The following MRM1 variants were observed in gnomAD, a reference collection of about 807,000 sequenced individuals.
MRM1 encodes the protein rRNA methyltransferase 1, mitochondrial.
MRM1 carries 24 observed loss-of-function variants against 25.0 expected under a neutral mutation model. That is an observed-to-expected ratio of 0.96 (90% CI 0.69 to 1.35). The LOEUF (loss-of-function observed/expected upper bound fraction) is 1.35, where lower values mean the gene tolerates loss of function less well. Among genes scored for constraint, MRM1 ranks in the 40% most tolerant of loss-of-function variants. The pLI is 0.00. For synonymous variants in MRM1, 188 were observed against 199.2 expected, an observed-to-expected ratio of 0.94 and a Z score of 0.47; for missense variants, 431 against 464.1, an observed-to-expected ratio of 0.93 and a Z score of 0.65.
At chr17:36,631,428 C>T in the MRM1 span, among the ~76,000 whole-genome samples, 1 of 152,252 alleles carries the variant, frequency 6.6e-6, no homozygotes, top group Non-Finnish European at 1.5e-5. Flanking sequence ...GAGACCCCAG[C>T]ATTTGTGCTC....
At chr17:36,633,388 G>A in the MRM1 span, among the ~76,000 whole-genome samples, 1 of 152,202 alleles carries the variant, frequency 6.6e-6, no homozygotes, top group South Asian at 2.1e-4. Flanking sequence ...GTCCGTGAGG[G>A]AAGAGGATTC....
At chr17:36,627,212 C>T in the MRM1 span, among the ~76,000 whole-genome samples, 2 of 152,150 alleles carry the variant, frequency 1.3e-5, no homozygotes, top group Non-Finnish European at 2.9e-5. Context: ...CTCCTTCAGC[C>T]CCTTTTGGGG....
At chr17:36,616,488 T>C in the MRM1 span, among the ~76,000 whole-genome samples, 2 of 152,334 alleles carry the variant, frequency 1.3e-5, no homozygotes, top group South Asian at 2.1e-4. Context: ...GCCCCTTGCA[T>C]AGATACAGGT....
At chr17:36,632,809 T>C in the MRM1 span, among the ~76,000 whole-genome samples, 2 of 152,150 alleles carry the variant, frequency 1.3e-5, no homozygotes, top group Admixed American at 1.3e-4. Flanking sequence ...AGGAGCAGCA[T>C]TAACCCGAGT....
chr17:36,602,834 C>A lies in MRM1; in HGVS notation c.636+188C>A. The A allele has an allele frequency of 2.6e-6, 2 of 775,374 alleles. No individual in the cohort carries two copies. Among genetic ancestry groups the A allele is most frequent in the Non-Finnish European group, 3.1e-6 (2 of 638,610 alleles). 48.0% of individuals were successfully genotyped at this position (775,374 alleles called of 1,614,324 possible). A position where few individuals can be genotyped will look rare whatever the true frequency, so the allele number is the denominator to read the frequency against. Reference sequence around the variant, plus strand: ...CGGCAAATGGAGCATTAGCTGAATTCTTCCTAGCGTTATACCCTTTCCTGC... The same window carrying A: ...CGGCAAATGGAGCATTAGCTGAATTATTCCTAGCGTTATACCCTTTCCTGC... On this transcript the variant is annotated intron_variant, in intron 2 of 4. Coordinates refer to ENST00000614766, the MANE Select transcript of MRM1 (RefSeq NM_024864.5). This position sits in a 1 kb window ranked among gnomAD's most constrained non-coding sequence, Gnocchi z 4.1.
chr17:36,601,910 G>A lies in MRM1; in HGVS notation c.100G>A (p.Glu34Lys), dbSNP rs561971003. The A allele has an allele frequency of 6.2e-7, 1 of 1,612,254 alleles. No homozygotes were observed. Among genetic ancestry groups the A allele is most frequent in the African/African-American group, 1.3e-5 (1 of 75,044 alleles). Residue 34 changes from glutamate (E) to lysine (K), a missense_variant, in exon 1 of 5, where the codon GAG (glutamate) becomes AAG (lysine). Transcript: ENST00000614766. ...ARHGERPGGE[E>K]LSRLLLDDLV... The stretch of plus-strand genomic sequence containing the variant: ...GCATGGGGAGCGGCCTGGTGGGGAG[G>A]AGCTAAGCCGCTTGCTGCTGGATGA...
the MRM1 span, among the ~76,000 whole-genome samples, chr17:36,618,103 C>A: frequency 7.9e-5 from 12 of 152,252 alleles, no homozygotes; most frequent in South Asian, 2.1e-4. Flanking sequence ...GTTCTCCCCC[C>A]ACACTTGAGG....
the MRM1 span, among the ~76,000 whole-genome samples, chr17:36,633,362 C>T: frequency 1.3e-5 from 2 of 152,280 alleles, no homozygotes; most frequent in East Asian, 1.9e-4. Flanking sequence ...CGTCTGGGGC[C>T]CTGTTTCATC....
At chr17:36,629,245 T>C in the MRM1 span, among the ~76,000 whole-genome samples, 1 of 152,210 alleles carries the variant, frequency 6.6e-6, no homozygotes, top group Non-Finnish European at 1.5e-5. Flanking sequence ...ATTCTCACAC[T>C]GCAAGGGGAC....
Position 36,601,628 on chromosome 17 carries a change from T to G in MRM1, c.-183T>G. The G allele has an allele frequency of 1.7e-6, 1 of 571,558 alleles. No individual in the cohort carries two copies. Among genetic ancestry groups the G allele is most frequent in the Non-Finnish European group, 2.8e-6 (1 of 359,872 alleles). 35.4% of individuals were successfully genotyped at this position (571,558 alleles called of 1,614,324 possible). A position where few individuals can be genotyped will look rare whatever the true frequency, so the allele number is the denominator to read the frequency against. The stretch of plus-strand genomic sequence containing the variant: ...CACGTGGGAGCCTGGGAGCGGGTGG[T>G]CGTAGCTCGGTAGTCCAGTTGTGGG... On this transcript the variant is annotated 5_prime_UTR_variant, in exon 1 of 5. Coordinates refer to ENST00000614766, the MANE Select transcript of MRM1 (RefSeq NM_024864.5).
At chr17:36,610,080 G>A (rs542313275), downstream of MRM1, among the ~76,000 whole-genome samples, 2 of 150,316 alleles carry the variant, frequency 1.3e-5, no homozygotes, top group African/African-American at 2.5e-5. Flanking sequence ...CGTGCACCAC[G>A]CGCAGCTAAT....
chr17:36,611,904 C>G (rs889250238), downstream of MRM1, among the ~76,000 whole-genome samples: 4 of 152,096 alleles, frequency 2.6e-5, no homozygotes, highest in Non-Finnish European at 4.4e-5. Context: ...GAGACTTGCC[C>G]GCCTCCATCA....
chr17:36,631,792 A>G, the MRM1 span, among the ~76,000 whole-genome samples: 2 of 152,186 alleles, frequency 1.3e-5, no homozygotes, highest in Admixed American at 1.3e-4. Context: ...CAAAGACCTT[A>G]GGGAAGTGAA....
At chr17:36,623,874 C>T in the MRM1 span, among the ~76,000 whole-genome samples, 1 of 152,184 alleles carries the variant, frequency 6.6e-6, no homozygotes, top group Non-Finnish European at 1.5e-5. Flanking sequence ...TCTGCTTCCA[C>T]TTCATGCCCG....
At chr17:36,617,390 C>T in the MRM1 span, among the ~76,000 whole-genome samples, 9 of 144,242 alleles carry the variant, frequency 6.2e-5, no homozygotes, top group East Asian at 7.9e-4. Context: ...CCTTCCTTTC[C>T]GTCTTTTTTT....
At chr17:36,629,867 A>G in the MRM1 span, among the ~76,000 whole-genome samples, 1 of 152,196 alleles carries the variant, frequency 6.6e-6, no homozygotes, top group South Asian at 2.1e-4. Context: ...TGGTTTGGCC[A>G]TCTGCCTTGC....
downstream of MRM1, among the ~76,000 whole-genome samples, chr17:36,609,777 A>G (rs569640451): frequency 2.0e-5 from 3 of 152,300 alleles, no homozygotes; most frequent in East Asian, 3.9e-4. Context: ...TTGTTGGGAG[A>G]ATATGGAGGG....
chr17:36,623,127 T>C, the MRM1 span, among the ~76,000 whole-genome samples: 1 of 152,158 alleles, frequency 6.6e-6, no homozygotes. Flanking sequence ...AGGCGTGTCA[T>C]GTGAGTTCAT....
chr17:36,615,711 C>A, the MRM1 span, among the ~76,000 whole-genome samples: 1 of 149,070 alleles, frequency 6.7e-6, no homozygotes, highest in African/African-American at 2.5e-5. Flanking sequence ...AAAGAGGAAA[C>A]TAAGCCAGGC....
Sources: gnomAD v4.1 joint callset for allele counts (sites outside exome capture counted in the v4.1 genomes callset) on GRCh38, gnomAD v4.1.1 for gene constraint, Gnocchi (gnomAD v3.1) non-coding constraint, MANE v1.5 for transcripts, NCBI Gene and HGNC (gene_info 2026-07-23, HGNC 2026-07-21) for gene names.